CNTN4: variants seen among roughly 807,000 people sequenced by gnomAD.
The protein encoded by CNTN4 is contactin 4.
A neutral mutation model predicts 122.5 loss-of-function variants in CNTN4; 77 were observed. The ratio of observed to expected loss-of-function variants is 0.63; its 90% CI spans 0.52 to 0.76. The LOEUF is 0.76. CNTN4 is among the 30% of genes least tolerant of loss of function. The pLI is 0.00. For synonymous variants in CNTN4, 512 were observed against 447.0 expected, an observed-to-expected ratio of 1.15 and a Z score of -1.83; for missense variants, 1,256 against 1,259.1, an observed-to-expected ratio of 1.00 and a Z score of 0.04.
At chr3:2,723,584 G>A (rs1020007337) in intron 4 of CNTN4, among the ~76,000 whole-genome samples, 2 of 152,172 alleles carry the variant, frequency 1.3e-5, no homozygotes, top group African/African-American at 2.4e-5. Context: ...AGGCAAGAGG[G>A]TTGAATGCTG....
At chr3:2,701,856 CT>C in intron 4 of CNTN4, among the ~76,000 whole-genome samples, 1 of 152,084 alleles carries the variant, frequency 6.6e-6, no homozygotes, top group Admixed American at 6.5e-5. Flanking sequence ...TCCACAATTA[CT>C]TTTGCACCAA....
At chr3:2,963,179 A>G (rs1340432069) in intron 13 of CNTN4, among the ~76,000 whole-genome samples, 3 of 152,086 alleles carry the variant, frequency 2.0e-5, no homozygotes, top group Non-Finnish European at 2.9e-5. Context: ...ATCTGCCCCC[A>G]TCATTATCAT....
chr3:2,745,572 G>C lies in CNTN4; in HGVS notation c.233G>C (p.Ser78Thr). 6.2e-7 allele frequency: 1 copy of C among 1,614,168 alleles called. No individual in the cohort carries two copies. The highest frequency in any genetic ancestry group is 8.5e-7 in the Non-Finnish European group (1 of 1,180,020). ...GACACTGGTATGGATTTCCGCTACA[G>C]TGTTGTTGAAGGGAGCTTGTTGATC... ...DVDTGMDFRY[S>T]VVEGSLLINN... is the part of the protein sequence containing the mutation. The change falls in exon 6 of 25, where the codon AGT (serine) becomes ACT (threonine). Residue 78 changes from serine to threonine, a missense_variant. Transcript: ENST00000418658.
At chr3:2,479,919 C>A (rs2075941242) in intron 3 of CNTN4, among the ~76,000 whole-genome samples, 1 of 152,162 alleles carries the variant, frequency 6.6e-6, no homozygotes, top group Non-Finnish European at 1.5e-5. Flanking sequence ...TTATACACCA[C>A]CACCACCAAG....
In CNTN4 at chr3:2,532,157, G is replaced by T. The variant is rs143818828; in HGVS notation, c.-88-39259G>T. Among the ~76,000 whole-genome samples, 19 of 152,258 alleles carry T rather than the reference G, an allele frequency of 1.2e-4. No homozygotes were observed. In the East Asian group the frequency reaches 3.5e-3, roughly 28 times the overall value. On this transcript the variant is annotated intron_variant, in intron 3 of 24. Coordinates refer to ENST00000418658, the MANE Select transcript of CNTN4 (RefSeq NM_175607.3). ...CTTATAAATCTCCTGCTTATTGGAAGATTATACATTTCAAGTTCAAAGATG... is the reference window on the plus strand; with the variant it reads ...CTTATAAATCTCCTGCTTATTGGAATATTATACATTTCAAGTTCAAAGATG...
At chr3:2,228,690 G>A (rs749400587) in intron 2 of CNTN4, among the ~76,000 whole-genome samples, 1 of 152,116 alleles carries the variant, frequency 6.6e-6, no homozygotes, top group Non-Finnish European at 1.5e-5. Flanking sequence ...TCCTTACTGA[G>A]AGCTGAGTTT....
chr3:2,688,385 C>T (rs568815731), intron 4 of CNTN4, among the ~76,000 whole-genome samples: 94 of 152,296 alleles, frequency 6.2e-4, no homozygotes, highest in African/African-American at 2.2e-3. Context: ...ACGAGTCATG[C>T]CAGGCTCGGC....
In CNTN4 at chr3:2,624,869, A is replaced by G. The variant is rs1006256473; in HGVS notation, c.55+53311A>G. Among the ~76,000 whole-genome samples the G allele has an allele frequency of 2.0e-5, 3 of 151,930 alleles. No individual in the cohort carries two copies. In the East Asian group the frequency reaches 5.8e-4, roughly 30 times the overall value. ...GGCTGGTCTCGAACTCCTGGCCTCA[A>G]TGATCCACCCACCTCGGCCTCCTAG... On this transcript the variant is annotated intron_variant, in intron 4 of 24. Transcript: ENST00000418658.
chr3:2,706,513 T>C (rs551771283), intron 4 of CNTN4, among the ~76,000 whole-genome samples: 12 of 152,292 alleles, frequency 7.9e-5, no homozygotes, highest in Admixed American at 5.9e-4. Context: ...AGTGATATCT[T>C]GCATCATCAC....
intron 3 of CNTN4, among the ~76,000 whole-genome samples, chr3:2,425,614 A>C (rs1417338473): frequency 4.6e-5 from 7 of 152,162 alleles, no homozygotes; most frequent in Admixed American, 1.3e-4. Context: ...GAAGAAAGTC[A>C]TTGGTAGCTT....
chr3:2,139,614 G>A (rs1374635820), intron 2 of CNTN4, among the ~76,000 whole-genome samples: 1 of 152,202 alleles, frequency 6.6e-6, no homozygotes, highest in Non-Finnish European at 1.5e-5. Flanking sequence ...CTTGGGAGTG[G>A]TAGACATAGA....
chr3:2,271,113 G>A (rs2041277270), intron 2 of CNTN4, among the ~76,000 whole-genome samples: 1 of 126,726 alleles, frequency 7.9e-6, no homozygotes. Context: ...ACGGTTTGGT[G>A]TCTCCATATA....
chr3:2,255,336 T>A (rs1280225769), intron 2 of CNTN4, among the ~76,000 whole-genome samples: 1 of 152,096 alleles, frequency 6.6e-6, no homozygotes, highest in East Asian at 1.9e-4. Context: ...AGTAATAGTG[T>A]GAGACTTTAA....
At chr3:3,048,231 GA>G (rs60064438) in intron 23 of CNTN4, among the ~76,000 whole-genome samples, 1 of 150,978 alleles carries the variant, frequency 6.6e-6, no homozygotes, top group South Asian at 2.1e-4. Context: ...AAATATTCAG[GA>G]AAAAAAACAC....
intron 2 of CNTN4, among the ~76,000 whole-genome samples, chr3:2,284,952 C>G (rs921450850): frequency 6.6e-6 from 1 of 151,654 alleles, no homozygotes; most frequent in African/African-American, 2.4e-5. Flanking sequence ...CAGTTGTTAT[C>G]TTAGGGTAGT....
chr3:2,607,865 A>C (rs1394365976), intron 4 of CNTN4, among the ~76,000 whole-genome samples: 1 of 152,160 alleles, frequency 6.6e-6, no homozygotes, highest in Non-Finnish European at 1.5e-5. Context: ...CATACGATAG[A>C]AATATTTAAT....
chr3:2,287,706 G>A, intron 2 of CNTN4, among the ~76,000 whole-genome samples: 1 of 60,450 alleles, frequency 1.7e-5, no homozygotes, highest in Non-Finnish European at 3.3e-5. Flanking sequence ...AGAAGAAGAA[G>A]AAGAGGAAGA....
intron 2 of CNTN4, among the ~76,000 whole-genome samples, chr3:2,250,076 T>G (rs2040315083): frequency 6.6e-6 from 1 of 151,946 alleles, no homozygotes; most frequent in Non-Finnish European, 1.5e-5. Context: ...GGGTTTTGGG[T>G]CTCATATAGA....
chr3:2,803,423 C>G (rs1013984628), intron 6 of CNTN4, among the ~76,000 whole-genome samples: 1 of 151,872 alleles, frequency 6.6e-6, no homozygotes, highest in Non-Finnish European at 1.5e-5. Flanking sequence ...AGGCTGTAGA[C>G]CAAAGAAACT....
Sources: allele counts gnomAD v4.1 joint callset (sites outside exome capture counted in the v4.1 genomes callset), GRCh38; gene constraint gnomAD v4.1.1; transcripts MANE v1.5; gene names NCBI Gene and HGNC (gene_info 2026-07-23, HGNC 2026-07-21).